The following RASA2 variants were observed in gnomAD, a reference collection of about 807,000 sequenced individuals.
RASA2 encodes the protein ras GTPase-activating protein 2.
RASA2 carries 155 observed loss-of-function variants against 118.2 expected under a neutral mutation model. The ratio of observed to expected loss-of-function variants is 1.31; its 90% confidence interval spans 1.15 to 1.50. The LOEUF (loss-of-function observed/expected upper bound fraction) is 1.50, where lower values mean the gene tolerates loss of function less well. Among genes scored for constraint, RASA2 ranks in the 40% most tolerant of loss-of-function variants. The probability of loss-of-function intolerance (pLI) is 0.00; values close to 1 mark genes in which losing one functional copy is unlikely to be tolerated. For missense variants in RASA2, 1,016 were observed against 1,009.6 expected, an observed-to-expected ratio of 1.01 and a Z score of -0.09; for synonymous variants, 353 against 349.1, an observed-to-expected ratio of 1.01 and a Z score of -0.12.
At chr3:141,531,899 G>T (rs1049075408) in intron 4 of RASA2, among the ~76,000 whole-genome samples, 3 of 151,788 alleles carry the variant, frequency 2.0e-5, no homozygotes, top group African/African-American at 7.3e-5. Context: ...ATCATCCCAT[G>T]GTTCATACAA....
At chr3:141,571,601 G>A in intron 11 of RASA2, 47 bp downstream of exon 11, 1 of 1,544,454 alleles carries the variant, frequency 6.5e-7, no homozygotes, top group Non-Finnish European at 8.8e-7. Flanking sequence ...TGTTGAAATT[G>A]GACCTTAGTT....
chr3:141,563,849 A>G (rs2082775717), intron 9 of RASA2, among the ~76,000 whole-genome samples: 1 of 152,226 alleles, frequency 6.6e-6, no homozygotes, highest in South Asian at 2.1e-4. Context: ...TTAAGCCATT[A>G]GCAAAGATTT....
intron 3 of RASA2, among the ~76,000 whole-genome samples, chr3:141,521,329 T>C (rs555966462): frequency 6.6e-6 from 1 of 152,256 alleles, no homozygotes; most frequent in South Asian, 2.1e-4. Flanking sequence ...GAGAGATTAA[T>C]GTCAGAGAAG....
chr3:141,612,196 T>G, intron 23 of RASA2, 87 bp from the exon 24 acceptor site: 2 of 1,040,762 alleles, frequency 1.9e-6, no homozygotes, highest in South Asian at 1.5e-5. Flanking sequence ...CAGGGAAAAT[T>G]CTAAATACTT....
Position 141,540,546 on chromosome 3 carries a change from T to A in RASA2, c.464T>A (p.Leu155His). 6.2e-7 allele frequency: 1 copy of A among 1,611,796 alleles called. No individual in the cohort carries two copies. The highest frequency in any genetic ancestry group is 8.5e-7 in the Non-Finnish European group (1 of 1,178,234). ...SNSEVQGKVH[L>H]ELKLNELITE... ...TTGTCATTATAGGGTAAAGTTCACC[T>A]TGAATTAAAACTGAATGAACTGATA... is the stretch of plus-strand genomic sequence containing the variant. The change falls in exon 5 of 24, where the codon CTT becomes CAT. Residue 155 changes from leucine to histidine, a missense_variant. Transcript: ENST00000286364.
In RASA2 at chr3:141,540,569, A is replaced by G; in HGVS notation, c.487A>G (p.Ile163Val). The G allele has an allele frequency of 1.2e-6, 2 of 1,613,040 alleles. No homozygotes were observed. The highest frequency in any genetic ancestry group is 1.3e-5 in the African/African-American group (1 of 75,018). Residue 163 changes from isoleucine (I) to valine (V), a missense_variant, in exon 5 of 24, where the codon ATA (isoleucine) becomes GTA (valine). Physicochemically the swap from Ile to Val is conservative, Grantham distance 29. Coordinates refer to ENST00000286364, the MANE Select transcript of RASA2 (RefSeq NM_006506.5). ...VHLELKLNEL[I>V]TENGTVCQQL... The stretch of plus-strand genomic sequence containing the variant: ...CCTTGAATTAAAACTGAATGAACTG[A>G]TAACGGAGAATGGAACTGTATGCCA...
chr3:141,562,143 G>C (rs1255269440), intron 9 of RASA2, among the ~76,000 whole-genome samples: 1 of 151,614 alleles, frequency 6.6e-6, no homozygotes, highest in Non-Finnish European at 1.5e-5. Context: ...AGTAGAGACG[G>C]GGTTTTAACT....
chr3:141,507,207 A>T (rs1329151503), intron 1 of RASA2, among the ~76,000 whole-genome samples: 1 of 152,234 alleles, frequency 6.6e-6, no homozygotes, highest in African/African-American at 2.4e-5. Context: ...TGATCCAGAT[A>T]GCCACGTGTA....
rs2083707294 is a variant in RASA2, at chr3:141,615,008, G to A, written c.*2695G>A. 1 of 152,096 alleles carries A rather than the reference G, an allele frequency of 6.6e-6. No individual in the cohort carries two copies. Among genetic ancestry groups the A allele is most frequent in the Non-Finnish European group, 1.5e-5 (1 of 68,020 alleles). The allele number at this position is 152,096 out of a possible 1,614,324, so 9.4% of individuals were successfully genotyped here. On this transcript the variant is annotated 3_prime_UTR_variant, in exon 24 of 24. Transcript: ENST00000286364. ...TTAATTTGCTCTAACGGTACATCCTGTAAAGACAGAATTCTGCATAGCCTT... is the reference window on the plus strand; with the variant it reads ...TTAATTTGCTCTAACGGTACATCCTATAAAGACAGAATTCTGCATAGCCTT...
At chr3:141,487,736 G>C (rs2081595684) in intron 1 of RASA2, among the ~76,000 whole-genome samples, 1 of 152,136 alleles carries the variant, frequency 6.6e-6, no homozygotes, top group African/African-American at 2.4e-5. Context: ...TCCTGGGCTC[G>C]GCGAGCCTGG....
chr3:141,599,466 T>C (rs1296268025), intron 19 of RASA2, among the ~76,000 whole-genome samples: 4 of 152,188 alleles, frequency 2.6e-5, no homozygotes, highest in Non-Finnish European at 5.9e-5. Context: ...ACTTGTGTAC[T>C]TTAATTTGTT....
chr3:141,589,410 C>T (rs1351438732), intron 19 of RASA2, among the ~76,000 whole-genome samples: 2 of 152,036 alleles, frequency 1.3e-5, no homozygotes, highest in Non-Finnish European at 2.9e-5. Flanking sequence ...GCTATGGACC[C>T]CTTTGTCTAG....
At chr3:141,573,905 A>G in intron 13 of RASA2, 39 bp from the exon 14 acceptor site, 1 of 1,542,108 alleles carries the variant, frequency 6.5e-7, no homozygotes. Flanking sequence ...AGATGTGTGA[A>G]CATCAAAATC....
chr3:141,529,519 C>T (rs2082228984), intron 3 of RASA2, among the ~76,000 whole-genome samples, 189 bp from the exon 4 acceptor site: 1 of 151,890 alleles, frequency 6.6e-6, no homozygotes, highest in South Asian at 2.1e-4. Flanking sequence ...TGCCAAGGGG[C>T]AAGGAGAAAT....
chr3:141,594,364 A>T (rs75064593), intron 19 of RASA2, among the ~76,000 whole-genome samples: 21 of 150,206 alleles, frequency 1.4e-4, no homozygotes, highest in Admixed American at 2.6e-4. Context: ...AAAAAAAAAA[A>T]TTTTTTTTTG....
intron 19 of RASA2, among the ~76,000 whole-genome samples, chr3:141,602,373 C>T (rs1430333696): frequency 2.0e-5 from 3 of 152,198 alleles, no homozygotes; most frequent in Admixed American, 2.0e-4. Flanking sequence ...AGATCTGTTG[C>T]ATGCTCGTTT....
intron 11 of RASA2, 82 bp from the exon 12 acceptor site, chr3:141,572,527 T>C: frequency 1.0e-6 from 1 of 962,832 alleles, no homozygotes; most frequent in Admixed American, 1.8e-5. Context: ...AAATGCTTCT[T>C]TCTTAAATTG....
At chr3:141,588,847 ATT>A (rs1380672762) in intron 19 of RASA2, among the ~76,000 whole-genome samples, 1 of 145,938 alleles carries the variant, frequency 6.9e-6, no homozygotes. Flanking sequence ...TTTTATTTTT[ATT>A]TTTTTTTTTT....
Position 141,498,262 on chromosome 3 carries a change from G to A in RASA2, c.133+11046G>A, listed in dbSNP as rs116920956. 1.1e-4 allele frequency among the ~76,000 whole-genome samples: 17 copies of A among 152,314 alleles called. No individual in the cohort carries two copies. The East Asian group carries it at 3.3e-3, about 29-fold the overall frequency. On this transcript the variant is annotated intron_variant, in intron 1 of 23. Coordinates refer to ENST00000286364, the MANE Select transcript of RASA2 (RefSeq NM_006506.5). ...ATTTGCTCAGGATTGTAAGGGAGCA[G>A]AGCCAAGTTTTCAGAAAGTCTTTAT...
Sources: gnomAD v4.1 joint callset for allele counts (sites outside exome capture counted in the v4.1 genomes callset) on GRCh38, gnomAD v4.1.1 for gene constraint, MANE v1.5 for transcripts, NCBI Gene and HGNC (gene_info 2026-07-23, HGNC 2026-07-21) for gene names.